The following GPRC6A variants were observed in gnomAD, a reference collection of about 807,000 sequenced individuals.
The protein encoded by GPRC6A is G protein-coupled receptor class C group 6 member A, also known as G protein-coupled receptor family C group 6 member A.
In GPRC6A, 54 loss-of-function variants were observed where a neutral mutation model predicts 47.0. The ratio of observed to expected loss-of-function variants is 1.15; its 90% CI spans 0.92 to 1.44. The LOEUF (loss-of-function observed/expected upper bound fraction) is 1.44, where lower values mean the gene tolerates loss of function less well. GPRC6A is among the 40% of genes most tolerant of loss of function. The pLI is 0.00. For synonymous variants in GPRC6A, 347 were observed against 377.1 expected, an observed-to-expected ratio of 0.92 and a Z score of 0.93; for missense variants, 1,112 against 1,105.5, an observed-to-expected ratio of 1.01 and a Z score of -0.08.
At chr6:116,817,403 A>C (rs1773261533) in intron 1 of GPRC6A, among the ~76,000 whole-genome samples, 2 of 151,090 alleles carry the variant, frequency 1.3e-5, no homozygotes, top group South Asian at 4.2e-4. Flanking sequence ...CCATCATCAA[A>C]GACCAAAAGT....
rs746825596 is a variant in GPRC6A at position 116,806,808 on chromosome 6, C to A, written c.897G>T (p.Trp299Cys). Residue 299 changes from tryptophan to cysteine, a missense_variant, in exon 3 of 6, where the codon TGG becomes TGT. Physicochemically the swap from Trp to Cys is radical, Grantham distance 215 (BLOSUM62 -2). Transcript: ENST00000310357. The part of the protein sequence containing the change: ...KAIEMNINKM[W>C]IASDNWSTAT... ...CAGTTGACCAATTATCACTAGCAAT[C>A]CACATCTTATTTATATTCATTTCAA... is the stretch of plus-strand genomic sequence containing the variant. The A allele has an allele frequency of 1.2e-6, 2 of 1,613,446 alleles. No individual in the cohort carries two copies. The highest frequency in any genetic ancestry group is 2.2e-5 in the South Asian group (2 of 91,048).
Position 116,792,898 on chromosome 6 carries a change from G to A in GPRC6A, c.2025C>T (p.Ser675=). 1.9e-6 allele frequency: 3 copies of A among 1,614,114 alleles called. No homozygotes were observed. Among genetic ancestry groups the A allele is most frequent in the Middle Eastern group, 1.7e-4 (1 of 6,060 alleles). ...TTTTCAGAGACTTCGTCAAAATGCA[G>A]GAGATGCAAAGAGTAAAGCTCACTC... The part of the protein sequence containing the change: ...MFGVSFTLCI[S]CILTKSLKIL... Residue 675 remains serine, a synonymous_variant, in exon 6 of 6, where the codon TCC becomes TCT. Transcript: ENST00000310357.
At chr6:116,821,971 G>A (rs1773501570) in intron 1 of GPRC6A, among the ~76,000 whole-genome samples, 1 of 147,358 alleles carries the variant, frequency 6.8e-6, no homozygotes, top group South Asian at 2.1e-4. Context: ...TCTGACAAAG[G>A]TCTAATATCC....
intron 1 of GPRC6A, among the ~76,000 whole-genome samples, chr6:116,821,433 G>A (rs1773473291): frequency 6.6e-6 from 1 of 152,068 alleles, no homozygotes; most frequent in Admixed American, 6.5e-5. Flanking sequence ...CAAAGCTGGA[G>A]GCATCACGCT....
rs114066977 is a variant in GPRC6A at position 116,792,298 on chromosome 6, G to C, written c.2625C>G (p.Ser875Arg). The change falls in exon 6 of 6, where the codon AGC becomes AGG. Residue 875 changes from serine to arginine, a missense_variant. Ser to Arg is a moderately radical substitution (Grantham distance 110). Transcript: ENST00000310357. ...TGGGATTGGTCATTGTGACATTGCC[G>C]CTCATGGAGTCCAGTGAAGCAGGAC... is the stretch of plus-strand genomic sequence containing the variant. Reference protein sequence around the residue: ...ALSPASLDSMSGNVTMTNPSS... With the variant: ...ALSPASLDSMRGNVTMTNPSS... 1.9e-6 allele frequency: 3 copies of C among 1,613,978 alleles called. No homozygotes were observed. The highest frequency in any genetic ancestry group is 2.5e-6 in the Non-Finnish European group (3 of 1,179,936).
chr6:116,822,955 GT>G (rs1437137457), intron 1 of GPRC6A, among the ~76,000 whole-genome samples: 1 of 150,440 alleles, frequency 6.6e-6, no homozygotes, highest in Non-Finnish European at 1.5e-5. Context: ...CTCTGGGCCT[GT>G]GATGGGAGGG....
intron 1 of GPRC6A, among the ~76,000 whole-genome samples, chr6:116,811,810 C>A (rs1168639243): frequency 1.3e-5 from 2 of 151,502 alleles, no homozygotes; most frequent in East Asian, 3.9e-4. Flanking sequence ...TTTGAAATAA[C>A]CCAGCCATGA....
intron 1 of GPRC6A, among the ~76,000 whole-genome samples, chr6:116,819,466 C>G (rs1446959230): frequency 2.0e-5 from 3 of 152,116 alleles, no homozygotes; most frequent in East Asian, 1.9e-4. Context: ...AAGTAAAGCT[C>G]TCCTCAGCAA....
intron 1 of GPRC6A, among the ~76,000 whole-genome samples, chr6:116,811,443 T>C (rs1193167840): frequency 6.6e-6 from 1 of 151,600 alleles, no homozygotes; most frequent in African/African-American, 2.4e-5. Flanking sequence ...CATACTGGTC[T>C]TTAAGAAAAA....
At chr6:116,821,045 A>C (rs1192238598) in intron 1 of GPRC6A, among the ~76,000 whole-genome samples, 9 of 149,846 alleles carry the variant, frequency 6.0e-5, no homozygotes, top group African/African-American at 1.9e-4. Flanking sequence ...AAAAATCACA[A>C]GCATTCTTAT....
intron 1 of GPRC6A, among the ~76,000 whole-genome samples, chr6:116,812,610 T>G (rs1773062920): frequency 6.6e-6 from 1 of 152,100 alleles, no homozygotes; most frequent in Admixed American, 6.5e-5. Context: ...TTAAAAGGAT[T>G]AAATTCCCCT....
chr6:116,805,477 A>AT (rs746809644), intron 3 of GPRC6A, among the ~76,000 whole-genome samples: 9 of 152,110 alleles, frequency 5.9e-5, no homozygotes, highest in Non-Finnish European at 1.3e-4. Context: ...AAACTTATAT[A>AT]TTTTGTAACA....
At chr6:116,800,199 CCT>C (rs1217321935) in intron 4 of GPRC6A, among the ~76,000 whole-genome samples, 1 of 149,392 alleles carries the variant, frequency 6.7e-6, no homozygotes, top group Non-Finnish European at 1.5e-5. Context: ...CCCCTCCCTC[CCT>C]CTCTCTCTTT....
chr6:116,810,713 A>G (rs879353495), intron 1 of GPRC6A, among the ~76,000 whole-genome samples: 42 of 151,970 alleles, frequency 2.8e-4, no homozygotes, highest in Admixed American at 5.9e-4. Context: ...CTGAACAATA[A>G]TATCCCTCTT....
chr6:116,792,982 C>G lies in GPRC6A; in HGVS notation c.1941G>C (p.Thr647=), dbSNP rs763047293. ...CTTGTGGTTCTCCAATGAAAAAGCT[C>G]GTGCTGGCAAAATTGAGGAAATGAC... ...LLCHFLNFAS[T]SFFIGEPQDF... is the part of the protein sequence containing the mutation. Residue 647 remains threonine, a synonymous_variant, in exon 6 of 6, where the codon ACG becomes ACC. Transcript: ENST00000310357. The G allele has an allele frequency of 1.6e-5, 26 of 1,613,918 alleles. No homozygotes were observed. The South Asian group carries it at 2.6e-4, about 16-fold the overall frequency.
At chr6:116,822,463 A>G (rs1461596381) in intron 1 of GPRC6A, among the ~76,000 whole-genome samples, 3 of 130,164 alleles carry the variant, frequency 2.3e-5, no homozygotes, top group African/African-American at 6.0e-5. Context: ...AACCAAGCCA[A>G]ATGTCCAACA....
rs758551828 is a variant in GPRC6A at position 116,807,141 on chromosome 6, A to T, written c.564T>A (p.Thr188=). The change falls in exon 3 of 6, where the codon ACT becomes ACA. Residue 188 remains threonine, a synonymous_variant. Transcript: ENST00000310357. ...TAATTTGATGGAAGTCACTGGGCAC[A>T]GTCCGTAAAAATGAAGGAAAGCGAA... is the stretch of plus-strand genomic sequence containing the variant. ...DKIRFPSFLR[T]VPSDFHQIKA... The T allele has an allele frequency of 6.2e-7, 1 of 1,613,592 alleles. No homozygotes were observed. Among genetic ancestry groups the T allele is most frequent in the Admixed American group, 1.7e-5 (1 of 59,908 alleles).
At chr6:116,800,512 G>A in intron 4 of GPRC6A, 72 bp downstream of exon 4, 1 of 915,626 alleles carries the variant, frequency 1.1e-6, no homozygotes. Context: ...GATGAAGAGT[G>A]GGGGCCAAGG....
intron 3 of GPRC6A, among the ~76,000 whole-genome samples, chr6:116,804,762 T>C (rs1237231926): frequency 1.3e-5 from 2 of 152,088 alleles, no homozygotes; most frequent in Non-Finnish European, 2.9e-5. Context: ...TAAAATACTT[T>C]CTCTATTTTT....
Sources: gnomAD v4.1 joint callset for allele counts (sites outside exome capture counted in the v4.1 genomes callset) on GRCh38, gnomAD v4.1.1 for gene constraint, MANE v1.5 for transcripts, NCBI Gene and HGNC (gene_info 2026-07-23, HGNC 2026-07-21) for gene names.